IL7: variants seen among roughly 807,000 people sequenced by gnomAD.
The protein encoded by IL7 is interleukin-7.
Under a neutral mutation model 21.6 loss-of-function variants are expected in IL7, and 3 were observed. The ratio of observed to expected loss-of-function variants is 0.14; its 90% CI spans 0.06 to 0.36. The LOEUF is 0.36. Ranked by LOEUF, IL7 falls within the 10% of genes least tolerant of loss-of-function variation. The pLI is 1.00. For missense variants in IL7, 175 were observed against 200.2 expected (o/e 0.87, Z 0.76); for synonymous variants, 62 against 68.1 (o/e 0.91, Z 0.44).
At chr8:78,675,674 C>G, downstream of IL7, 3 of 985,116 alleles carry the variant, frequency 3.0e-6, no homozygotes, top group Non-Finnish European at 4.4e-6. Flanking sequence ...TGCAGTAAAA[C>G]ATTTTTCACA....
Position 78,791,378 on chromosome 8 carries a change from G to A in IL7, c.147+6694C>T, listed in dbSNP as rs1051222134. Among the ~76,000 whole-genome samples, 8 of 152,296 alleles carry A rather than the reference G, an allele frequency of 5.3e-5. No individual in the cohort carries two copies. The East Asian group carries it at 1.5e-3, about 29-fold the overall frequency. ...ACTTAGGCCAAGCACAGTGACTCAT[G>A]CCTGTAATCCCAGCACTTCGAGAGG... On this transcript the variant is annotated intron_variant, in intron 2 of 5. Coordinates refer to ENST00000263851, the MANE Select transcript of IL7 (RefSeq NM_000880.4).
intron 5 of IL7, among the ~76,000 whole-genome samples, chr8:78,736,013 T>C (rs896974132): frequency 6.6e-6 from 1 of 150,940 alleles, no homozygotes; most frequent in Admixed American, 6.6e-5. Context: ...TAAATATATG[T>C]TTATATACTA....
chr8:78,785,482 T>C (rs1813479793), intron 2 of IL7, among the ~76,000 whole-genome samples: 1 of 152,160 alleles, frequency 6.6e-6, no homozygotes, highest in Admixed American at 6.5e-5. Context: ...ATGGAGGGAG[T>C]GCATAATTTT....
intron 3 of IL7, among the ~76,000 whole-genome samples, chr8:78,739,106 TTTAAA>T (rs1489485676): frequency 5.3e-5 from 8 of 152,248 alleles, no homozygotes; most frequent in East Asian, 1.9e-4. Flanking sequence ...TTTGCAGATA[TTTAAA>T]TTAAGAAATT....
intron 3 of IL7, chr8:78,689,195 A>G (rs1810125782): frequency 7.0e-7 from 1 of 1,433,904 alleles, no homozygotes; most frequent in South Asian, 1.7e-5. Flanking sequence ...TATGCTATTA[A>G]TCTGTTTCCG....
At chr8:78,772,260 A>G (rs1216557706) in intron 2 of IL7, among the ~76,000 whole-genome samples, 1 of 152,196 alleles carries the variant, frequency 6.6e-6, no homozygotes, top group African/African-American at 2.4e-5. Context: ...AACAGAATTT[A>G]ATAGAAGAGT....
chr8:78,717,758 C>G, downstream of IL7: 1 of 240,494 alleles, frequency 4.2e-6, no homozygotes, highest in Non-Finnish European at 8.0e-6. Flanking sequence ...TCAAATGGAA[C>G]AATTAATTTA....
rs144756916 is a variant in IL7 at position 78,702,971 on chromosome 8, G to A, written n.215-17024C>T. 6.7e-3 allele frequency among the ~76,000 whole-genome samples: 1,012 copies of A among 151,980 alleles called. 13 individuals are homozygous for A. The highest frequency in any genetic ancestry group is 0.022 in the African/African-American group (911 of 41,448). On this transcript the variant is annotated intron_variant and non_coding_transcript_variant, in intron 3 of 4. Coordinates refer to the IL7 transcript ENST00000523959. ...TAGTGCTGTGGCATGATCTTGGCTC[G>A]CTGCAACCTCTGCCTCCTGGGTTCA...
chr8:78,722,125 A>T (rs1765722318), intron 3 of IL7, among the ~76,000 whole-genome samples: 1 of 151,974 alleles, frequency 6.6e-6, no homozygotes, highest in African/African-American at 2.4e-5. Flanking sequence ...TATATTGTCA[A>T]TTTTTAAAAT....
chr8:78,710,900 A>G (rs1309432172), intron 3 of IL7, among the ~76,000 whole-genome samples: 1 of 152,132 alleles, frequency 6.6e-6, no homozygotes, highest in African/African-American at 2.4e-5. Context: ...AGCTACTGAA[A>G]GAAGACAAAA....
downstream of IL7, among the ~76,000 whole-genome samples, chr8:78,713,126 A>G (rs1177363946): frequency 6.6e-6 from 1 of 152,120 alleles, no homozygotes; most frequent in Admixed American, 6.5e-5. Flanking sequence ...CCAAAATTAA[A>G]CCTTCTTTAA....
At chr8:78,698,380 A>C (rs1260503969) in intron 3 of IL7, 3 of 1,528,806 alleles carry the variant, frequency 2.0e-6, no homozygotes, top group Non-Finnish European at 2.7e-6. Flanking sequence ...CCTTTTTTAG[A>C]GTATTGTTAA....
At chr8:78,726,617 G>A (rs965569896) in intron 3 of IL7, among the ~76,000 whole-genome samples, 10 of 151,916 alleles carry the variant, frequency 6.6e-5, no homozygotes, top group Non-Finnish European at 1.2e-4. Flanking sequence ...GTGGTCACAG[G>A]TATTGATCAA....
chr8:78,753,748 G>C (rs1196952593), intron 2 of IL7, among the ~76,000 whole-genome samples: 1 of 152,008 alleles, frequency 6.6e-6, no homozygotes, highest in Non-Finnish European at 1.5e-5. Context: ...GTTAATTTTT[G>C]TTCTAAGGCA....
In IL7 at chr8:78,761,100, C is replaced by T. The variant is rs574720895; in HGVS notation, c.148-21018G>A. 5.5e-4 allele frequency: 882 copies of T among 1,595,948 alleles called. 2 individuals are homozygous for T. Among genetic ancestry groups the T allele is most frequent in the South Asian group, 6.3e-4 (55 of 87,362 alleles). Reference sequence around the variant, plus strand: ...ATACCATCTAAACATAAAACAAGTGCTTGCAGGAGTTCCACTAAAATTTCA... The same window carrying T: ...ATACCATCTAAACATAAAACAAGTGTTTGCAGGAGTTCCACTAAAATTTCA... On this transcript the variant is annotated intron_variant, in intron 2 of 5. Transcript: ENST00000263851.
intron 2 of IL7, among the ~76,000 whole-genome samples, chr8:78,745,081 C>T (rs1424200648): frequency 1.3e-5 from 2 of 152,234 alleles, no homozygotes; most frequent in East Asian, 1.9e-4. Context: ...GAGCCACTCA[C>T]ACGAGCTGCT....
chr8:78,767,554 G>A (rs1399174003), intron 2 of IL7, among the ~76,000 whole-genome samples: 3 of 151,854 alleles, frequency 2.0e-5, no homozygotes, highest in Non-Finnish European at 4.4e-5. Context: ...ATGAAAGGGA[G>A]GGATTTATCA....
rs771464722 is a variant in IL7, at chr8:78,678,596, A to G, written n.274-2492T>C. On this transcript the variant is annotated intron_variant and non_coding_transcript_variant, in intron 4 of 4. Transcript: ENST00000523959. ...TGGACCCATTTGCCAGAAGACTGCAACTAAAAAACGGAAGACTTTTGATTC... is the reference window on the plus strand; with the variant it reads ...TGGACCCATTTGCCAGAAGACTGCAGCTAAAAAACGGAAGACTTTTGATTC... 4 of 1,612,280 alleles carry G rather than the reference A, an allele frequency of 2.5e-6. No homozygotes were observed. Among genetic ancestry groups the G allele is most frequent in the Non-Finnish European group, 3.4e-6 (4 of 1,179,248 alleles).
At chr8:78,777,613 T>G (rs1414941021) in intron 2 of IL7, among the ~76,000 whole-genome samples, 1 of 152,074 alleles carries the variant, frequency 6.6e-6, no homozygotes, top group Non-Finnish European at 1.5e-5. Flanking sequence ...TTCCATTGTA[T>G]TTTCATGTAA....
Sources: allele counts gnomAD v4.1 joint callset (sites outside exome capture counted in the v4.1 genomes callset), GRCh38; gene constraint gnomAD v4.1.1; transcripts MANE v1.5; gene names NCBI Gene and HGNC (gene_info 2026-07-23, HGNC 2026-07-21).